Variants in RAB5A observed in about 807,000 individuals in gnomAD.
RAB5A encodes the protein RAB5A, member RAS oncogene family.
Under a neutral mutation model 25.7 loss-of-function variants are expected in RAB5A, and 8 were observed. That is an observed-to-expected ratio of 0.31 (90% CI 0.18 to 0.56). RAB5A has a LOEUF of 0.56. Among genes scored for constraint, RAB5A ranks in the 20% least tolerant of loss-of-function variants. The pLI, the probability that RAB5A is intolerant of heterozygous loss-of-function variation, is 0.91. For synonymous variants in RAB5A, 98 were observed against 89.8 expected (o/e 1.09, Z -0.52); for missense variants, 192 against 259.7 (o/e 0.74, Z 1.79).
intron 2 of RAB5A, among the ~76,000 whole-genome samples, chr3:19,953,003 C>CATTTCCCAAAGTATATATACATT (rs1479058036): frequency 6.6e-6 from 1 of 151,978 alleles, no homozygotes; most frequent in African/African-American, 2.4e-5. Flanking sequence ...GGTTAAATAA[C>CATTTCCCAAAGTATATATACATT]CTGGGCCACG....
intron 2 of RAB5A, among the ~76,000 whole-genome samples, chr3:19,973,049 G>A (rs1696774348): frequency 6.6e-6 from 1 of 152,180 alleles, no homozygotes; most frequent in Non-Finnish European, 1.5e-5. Flanking sequence ...GACGTGAGGT[G>A]CAGGCATTGT....
At chr3:19,962,825 A>AT (rs57293404) in intron 2 of RAB5A, among the ~76,000 whole-genome samples, 25,553 of 151,086 alleles carry the variant, frequency 0.17, 2,081 homozygotes, top group South Asian at 0.21. Flanking sequence ...TTCTTTTTTG[A>AT]TTTTTTTTTG....
Position 19,950,809 on chromosome 3 carries a change from T to G in RAB5A, c.-90T>G. 1 of 1,310,654 alleles carries G rather than the reference T, an allele frequency of 7.6e-7. No individual in the cohort carries two copies. Among genetic ancestry groups the G allele is most frequent in the South Asian group, 1.5e-5 (1 of 66,654 alleles). 81.2% of individuals were successfully genotyped at this position (1,310,654 alleles called of 1,614,324 possible). A position where few individuals can be genotyped will look rare whatever the true frequency, so the allele number is the denominator to read the frequency against. ...ATTCATAATTGTTTCTTTACAGGTT[T>G]CTTTACCTCCAGAAAGAAGAATATT... On this transcript the variant is annotated 5_prime_UTR_variant, in exon 2 of 6. Coordinates refer to ENST00000273047, the MANE Select transcript of RAB5A (RefSeq NM_004162.5).
intron 2 of RAB5A, among the ~76,000 whole-genome samples, chr3:19,954,903 C>T (rs992466048): frequency 8.5e-5 from 13 of 152,060 alleles, no homozygotes; most frequent in South Asian, 2.1e-4. Flanking sequence ...AATTGCGTGC[C>T]GTAGATTTAG....
intron 4 of RAB5A, 48 bp from the exon 5 acceptor site, chr3:19,978,262 T>G (rs1183936259): frequency 8.1e-7 from 1 of 1,239,744 alleles, no homozygotes. Context: ...GTGTAGTGTA[T>G]TTCCAAGAGA....
At chr3:19,975,551 GA>G in intron 2 of RAB5A, 49 bp from the exon 3 acceptor site, 2 of 1,572,930 alleles carry the variant, frequency 1.3e-6, no homozygotes, top group African/African-American at 1.4e-5. Context: ...TCTATATTAT[GA>G]AAACATTTGG....
At chr3:19,953,464 G>A (rs2125178974) in intron 2 of RAB5A, among the ~76,000 whole-genome samples, 1 of 148,054 alleles carries the variant, frequency 6.8e-6, no homozygotes, top group African/African-American at 2.5e-5. Context: ...CTGGAGTGCA[G>A]TGGTGTAGCC....
intron 2 of RAB5A, among the ~76,000 whole-genome samples, chr3:19,963,457 G>A (rs1373163604): frequency 1.4e-5 from 2 of 141,724 alleles, no homozygotes; most frequent in Admixed American, 1.6e-4. Flanking sequence ...TTGTTTTGTA[G>A]GATCAAAAGA....
At chr3:19,965,630 C>T (rs1275094650) in intron 2 of RAB5A, among the ~76,000 whole-genome samples, 1 of 152,204 alleles carries the variant, frequency 6.6e-6, no homozygotes, top group Non-Finnish European at 1.5e-5. Context: ...TCACTCTTGA[C>T]TTCATGCAGG....
intron 2 of RAB5A, among the ~76,000 whole-genome samples, chr3:19,972,074 G>T (rs1382494328): frequency 6.6e-6 from 1 of 151,898 alleles, no homozygotes; most frequent in East Asian, 1.9e-4. Context: ...CAAATTCTTC[G>T]AGCATCAATA....
At chr3:19,964,937 A>C (rs1696640103) in intron 2 of RAB5A, among the ~76,000 whole-genome samples, 1 of 109,450 alleles carries the variant, frequency 9.1e-6, no homozygotes. Context: ...TACTTACTTT[A>C]TTTATTTATT....
chr3:19,955,489 T>G (rs2125179981), intron 2 of RAB5A, among the ~76,000 whole-genome samples: 1 of 152,350 alleles, frequency 6.6e-6, no homozygotes, highest in East Asian at 1.9e-4. Flanking sequence ...CAGATGATTC[T>G]AATGGCATGT....
At chr3:19,957,805 A>G (rs1027234669) in intron 2 of RAB5A, among the ~76,000 whole-genome samples, 2 of 152,124 alleles carry the variant, frequency 1.3e-5, no homozygotes, top group African/African-American at 4.8e-5. Flanking sequence ...CACAATGTGT[A>G]CATGTATCAA....
Position 19,951,701 on chromosome 3 carries a change from G to GTTTTTTTTTTTTTTTTTT in RAB5A, c.163+641_163+658dup, listed in dbSNP as rs61250458. Among the ~76,000 whole-genome samples, 308 of 98,968 alleles carry GTTTTTTTTTTTTTTTTTT rather than the reference G, an allele frequency of 3.1e-3. 24 individuals are homozygous for GTTTTTTTTTTTTTTTTTT. The highest frequency in any genetic ancestry group is 0.011 in the African/African-American group (263 of 24,366). The allele number at this position is 98,968 out of a possible 152,430, so 64.9% of individuals were successfully genotyped here. On this transcript the variant is annotated intron_variant, in intron 2 of 5. Transcript: ENST00000273047. The stretch of plus-strand genomic sequence containing the variant: ...GGGTGCATGCCACCATGCCAGGCAA[G>GTTTTTTTTTTTTTTTTTT]TTTTTTTTTTTTTTTTTTAAGAGTC...
At chr3:19,948,163 A>G (rs1193253929) in intron 1 of RAB5A, among the ~76,000 whole-genome samples, 1 of 152,114 alleles carries the variant, frequency 6.6e-6, no homozygotes, top group East Asian at 1.9e-4. Context: ...CTGGGTAGAG[A>G]CCATGGAACT....
At chr3:19,965,539 C>T (rs919044661) in intron 2 of RAB5A, among the ~76,000 whole-genome samples, 1 of 146,150 alleles carries the variant, frequency 6.8e-6, no homozygotes, top group Non-Finnish European at 1.5e-5. Context: ...TGCTGTCAAG[C>T]TGTGATAGTA....
chr3:19,967,798 A>G (rs1023082145), intron 2 of RAB5A, among the ~76,000 whole-genome samples: 1 of 151,938 alleles, frequency 6.6e-6, no homozygotes, highest in Non-Finnish European at 1.5e-5. Context: ...TCTTCCTCAC[A>G]TTAATTGCAA....
intron 5 of RAB5A, among the ~76,000 whole-genome samples, chr3:19,982,627 T>C (rs1456797266): frequency 1.3e-5 from 2 of 151,594 alleles, no homozygotes; most frequent in Non-Finnish European, 2.9e-5. Flanking sequence ...GGCGGAAGAG[T>C]TGCTTGAGCC....
At chr3:19,972,764 G>A (rs1696768692) in intron 2 of RAB5A, among the ~76,000 whole-genome samples, 1 of 152,146 alleles carries the variant, frequency 6.6e-6, no homozygotes, top group Admixed American at 6.5e-5. Flanking sequence ...TTGTCTTAAT[G>A]TATTTGTTGC....
Sources: gnomAD v4.1 joint callset for allele counts (sites outside exome capture counted in the v4.1 genomes callset) on GRCh38, gnomAD v4.1.1 for gene constraint, MANE v1.5 for transcripts, NCBI Gene and HGNC (gene_info 2026-07-23, HGNC 2026-07-21) for gene names.